The following SRI variants were observed in gnomAD, a reference collection of about 807,000 sequenced individuals.
SRI encodes 22 kDa protein.
SRI carries 30 observed loss-of-function variants against 33.3 expected under a neutral mutation model. The ratio of observed to expected loss-of-function variants is 0.90; its 90% CI spans 0.67 to 1.22. The LOEUF is 1.22. Among genes scored for constraint, SRI ranks in the 50% most tolerant of loss-of-function variants. The pLI, the probability that SRI is intolerant of heterozygous loss-of-function variation, is 0.00. For synonymous variants in SRI, 75 were observed against 89.9 expected, an observed-to-expected ratio of 0.83 and a Z score of 0.94; for missense variants, 243 against 250.8, an observed-to-expected ratio of 0.97 and a Z score of 0.21.
At chr7:88,225,337 AAC>A (rs1385409501) in intron 1 of SRI, among the ~76,000 whole-genome samples, 1 of 152,250 alleles carries the variant, frequency 6.6e-6, no homozygotes, top group African/African-American at 2.4e-5. Context: ...TATTTTTACA[AAC>A]ACACACACAC....
intron 4 of SRI, 181 bp from the exon 5 acceptor site, chr7:88,210,311 G>A (rs1586713206): frequency 1.4e-6 from 1 of 704,186 alleles, no homozygotes; most frequent in Non-Finnish European, 2.4e-6. Flanking sequence ...AAGCTCAAGT[G>A]CCAATTTTTA....
At chr7:88,209,565 AAC>A (rs1167801679) in intron 5 of SRI, 113 bp from the exon 6 acceptor site, 10 of 754,016 alleles carry the variant, frequency 1.3e-5, no homozygotes, top group Non-Finnish European at 2.3e-5. Flanking sequence ...ATTAATTATG[AAC>A]ACACACAATT....
At chr7:88,208,162 T>C (rs1851478972) in intron 7 of SRI, 1 of 215,480 alleles carries the variant, frequency 4.6e-6, no homozygotes, top group Admixed American at 5.4e-5. Context: ...GCATTTCTAA[T>C]AGAAATCTTA....
At chr7:88,220,428 C>T (rs189790763), upstream of SRI, among the ~76,000 whole-genome samples, 413 of 151,718 alleles carry the variant, frequency 2.7e-3, no homozygotes, top group African/African-American at 9.4e-3. Flanking sequence ...CTTTATTGGA[C>T]AGGACGGAGC....
upstream of SRI, among the ~76,000 whole-genome samples, chr7:88,224,494 C>T (rs1392013845): frequency 1.3e-5 from 2 of 152,190 alleles, no homozygotes; most frequent in African/African-American, 2.4e-5. Context: ...TGTGGCACCT[C>T]ATGATTTAAA....
intron 4 of SRI, 186 bp from the exon 5 acceptor site, chr7:88,210,316 T>C (rs1851544610): frequency 3.0e-6 from 2 of 671,110 alleles, no homozygotes; most frequent in Admixed American, 5.1e-5. Context: ...CAAGTGCCAA[T>C]TTTTACTGTG....
At chr7:88,209,532 ATTTT>A in intron 5 of SRI, 80 bp from the exon 6 acceptor site, 1 of 1,111,004 alleles carries the variant, frequency 9.0e-7, no homozygotes, top group Non-Finnish European at 1.4e-6. Flanking sequence ...GCACTATTTT[ATTTT>A]TTAAGACTGC....
upstream of SRI, among the ~76,000 whole-genome samples, chr7:88,221,380 T>C (rs1054198219): frequency 1.3e-5 from 2 of 152,208 alleles, no homozygotes; most frequent in Admixed American, 6.5e-5. Context: ...TTGTGTTTGA[T>C]TCAGGAAGCA....
chr7:88,208,286 T>C (rs1049948527), intron 7 of SRI: 22 of 1,232,716 alleles, frequency 1.8e-5, no homozygotes, highest in Admixed American at 3.5e-5. Flanking sequence ...AGCTGGGTCT[T>C]GAACCCAGGT....
At chr7:88,206,637 T>C (rs973653179) in intron 7 of SRI, 133 bp from the exon 8 acceptor site, 2 of 914,532 alleles carry the variant, frequency 2.2e-6, no homozygotes, top group African/African-American at 3.3e-5. Context: ...AAGATATGAG[T>C]AAATGATAGA....
At chr7:88,211,257 C>T (rs935304882) in intron 3 of SRI, among the ~76,000 whole-genome samples, 60 of 152,126 alleles carry the variant, frequency 3.9e-4, no homozygotes, top group Non-Finnish European at 2.6e-4. Context: ...GAGTTTGAGA[C>T]CAGCCTGGCC....
intron 1 of SRI, 140 bp from the exon 2 acceptor site, chr7:88,219,082 T>G: frequency 1.4e-6 from 1 of 710,916 alleles, no homozygotes; most frequent in Non-Finnish European, 2.5e-6. Flanking sequence ...CCGGGCACAC[T>G]CTGCCAACAC....
intron 7 of SRI, chr7:88,208,159 T>G (rs181514905): frequency 3.1e-4 from 66 of 212,392 alleles, no homozygotes; most frequent in Admixed American, 6.5e-4. Context: ...AGGGCATTTC[T>G]AATAGAAATC....
intron 1 of SRI, chr7:88,226,878 G>C (rs754145837): frequency 6.2e-7 from 1 of 1,608,038 alleles, no homozygotes; most frequent in Non-Finnish European, 8.5e-7. Context: ...GCATGGAATA[G>C]TCTAATATTA....
chr7:88,216,779 T>A (rs1851729545), intron 3 of SRI: 1 of 208,054 alleles, frequency 4.8e-6, no homozygotes, highest in African/African-American at 2.3e-5. Flanking sequence ...TAATTTATTA[T>A]TATTATTATT....
At chr7:88,211,145 GA>G (rs1187391517) in intron 3 of SRI, among the ~76,000 whole-genome samples, 1 of 152,134 alleles carries the variant, frequency 6.6e-6, no homozygotes, top group Non-Finnish European at 1.5e-5. Context: ...AACTTTGACA[GA>G]ATTCCTTTTA....
upstream of SRI, among the ~76,000 whole-genome samples, chr7:88,221,118 C>T (rs1457014467): frequency 6.6e-6 from 1 of 152,164 alleles, no homozygotes; most frequent in African/African-American, 2.4e-5. Flanking sequence ...GGAGGTTGCA[C>T]AGAAACATTT....
At chr7:88,217,543 CAG>C (rs1353118231) in intron 2 of SRI, among the ~76,000 whole-genome samples, 1 of 152,088 alleles carries the variant, frequency 6.6e-6, no homozygotes, top group Non-Finnish European at 1.5e-5. Flanking sequence ...TTGGTTCAAA[CAG>C]AAAAAGGCCT....
chr7:88,216,186 C>T (rs764440908), intron 3 of SRI, among the ~76,000 whole-genome samples: 2 of 152,150 alleles, frequency 1.3e-5, no homozygotes, highest in Non-Finnish European at 2.9e-5. Flanking sequence ...CTATGTTGCC[C>T]AGGCTAGTCT....
Sources: gnomAD v4.1 joint callset for allele counts (sites outside exome capture counted in the v4.1 genomes callset) on GRCh38, gnomAD v4.1.1 for gene constraint, MANE v1.5 for transcripts, NCBI Gene and HGNC (gene_info 2026-07-23, HGNC 2026-07-21) for gene names.